The following FRMD6 variants were observed in gnomAD, a reference collection of about 807,000 sequenced individuals.
FRMD6 encodes the protein FERM domain containing 6.
A neutral mutation model predicts 73.2 loss-of-function variants in FRMD6; 37 were observed. That is an observed-to-expected ratio of 0.51 (90% confidence interval 0.39 to 0.66). The LOEUF (loss-of-function observed/expected upper bound fraction) is 0.66, where lower values mean the gene tolerates loss of function less well. Among genes scored for constraint, FRMD6 ranks in the 30% least tolerant of loss-of-function variants. The pLI is 0.00. For missense variants in FRMD6, 714 were observed against 780.5 expected, an observed-to-expected ratio of 0.91 and a Z score of 1.02; for synonymous variants, 273 against 282.2, an observed-to-expected ratio of 0.97 and a Z score of 0.33.
intron 1 of FRMD6, among the ~76,000 whole-genome samples, chr14:51,554,291 A>G (rs924393117): frequency 3.9e-5 from 6 of 152,226 alleles, no homozygotes; most frequent in African/African-American, 1.4e-4. Context: ...AATAAATAGT[A>G]TAAAAGAGAC....
At chr14:51,548,052 C>T (rs532039815) in intron 1 of FRMD6, among the ~76,000 whole-genome samples, 6 of 152,104 alleles carry the variant, frequency 3.9e-5, no homozygotes, top group African/African-American at 1.4e-4. Context: ...AATGTGTGCC[C>T]GCATCAAGCA....
At chr14:51,403,671 G>A in the FRMD6 span, among the ~76,000 whole-genome samples, 6 of 152,110 alleles carry the variant, frequency 3.9e-5, no homozygotes, top group African/African-American at 7.2e-5. Context: ...CAAAGTGCTC[G>A]GATTACAGGC....
At chr14:51,613,757 A>T (rs1303798682) in intron 2 of FRMD6, among the ~76,000 whole-genome samples, 1 of 152,098 alleles carries the variant, frequency 6.6e-6, no homozygotes, top group Non-Finnish European at 1.5e-5. Context: ...TGAAAAACTG[A>T]TGGAAGCTGT....
the FRMD6 span, among the ~76,000 whole-genome samples, chr14:51,442,094 T>C: frequency 6.6e-6 from 1 of 152,190 alleles, no homozygotes; most frequent in South Asian, 2.1e-4. Flanking sequence ...ACCGTTTTTA[T>C]CTAGCTTATT....
chr14:51,717,508 T>G (rs1897303381), intron 10 of FRMD6, among the ~76,000 whole-genome samples: 1 of 152,230 alleles, frequency 6.6e-6, no homozygotes, highest in South Asian at 2.1e-4. Flanking sequence ...ATATGATTTA[T>G]GATAGCAATT....
At chr14:51,721,649 AG>A (rs1897579883) in intron 11 of FRMD6, among the ~76,000 whole-genome samples, 2 of 14,876 alleles carry the variant, frequency 1.3e-4, no homozygotes, top group Non-Finnish European at 1.5e-4. Flanking sequence ...GAGGGAGGGA[AG>A]GAAGGAAGGA....
intron 2 of FRMD6, among the ~76,000 whole-genome samples, chr14:51,621,994 C>T (rs1398684054): frequency 6.6e-6 from 1 of 152,186 alleles, no homozygotes; most frequent in African/African-American, 2.4e-5. Flanking sequence ...AGGCATAACC[C>T]GAGACTGTTC....
the FRMD6 span, among the ~76,000 whole-genome samples, chr14:51,401,496 C>T: frequency 6.6e-6 from 1 of 152,142 alleles, no homozygotes; most frequent in Admixed American, 6.5e-5. Context: ...AATGCAAGGT[C>T]CCTCTGCAAG....
chr14:51,710,201 T>C (rs914996019), intron 7 of FRMD6, among the ~76,000 whole-genome samples: 22 of 152,178 alleles, frequency 1.4e-4, no homozygotes, highest in Non-Finnish European at 2.8e-4. Context: ...TAAAAAGATT[T>C]TTAGTAAAAA....
intron 1 of FRMD6, among the ~76,000 whole-genome samples, chr14:51,525,140 GTGGATGGATGGA>G (rs71121650): frequency 0.38 from 56,017 of 148,330 alleles, 10,902 homozygotes; most frequent in African/African-American, 0.44. Context: ...TGATAGGTGG[GTGGATGGATGGA>G]TGGATGGATG....
chr14:51,708,396 C>G, intron 7 of FRMD6, 163 bp downstream of exon 7: 1 of 661,064 alleles, frequency 1.5e-6, no homozygotes, highest in East Asian at 2.9e-5. Flanking sequence ...GCACGTCAGT[C>G]TTGGAGGCCA....
Position 51,701,179 on chromosome 14 carries a change from C to T in FRMD6, c.294+20C>T. ...ACTTGGGTGAGATTACATTTATAAG[C>T]AAAATTATTTTGATTTTTTTTAAAA... On this transcript the variant is annotated intron_variant, in intron 4 of 13. Coordinates refer to ENST00000344768, the MANE Select transcript of FRMD6 (RefSeq NM_001267046.2). The T allele has an allele frequency of 7.2e-7, 1 of 1,393,330 alleles. No individual in the cohort carries two copies. The highest frequency in any genetic ancestry group is 9.8e-7 in the Non-Finnish European group (1 of 1,019,710). 86.3% of individuals were successfully genotyped at this position (1,393,330 alleles called of 1,614,324 possible).
At chr14:51,470,775 G>T in the FRMD6 span, among the ~76,000 whole-genome samples, 1 of 152,090 alleles carries the variant, frequency 6.6e-6, no homozygotes, top group East Asian at 1.9e-4. Flanking sequence ...AATTAAGATG[G>T]TGTTGTTTAA....
intron 1 of FRMD6, chr14:51,547,768 CA>C (rs1886556234): frequency 6.6e-6 from 1 of 150,722 alleles, no homozygotes; most frequent in Admixed American, 6.6e-5. Flanking sequence ...AAGGAAACAC[CA>C]AATATAAGAA....
At chr14:51,466,966 T>G in the FRMD6 span, among the ~76,000 whole-genome samples, 1 of 151,918 alleles carries the variant, frequency 6.6e-6, no homozygotes, top group Non-Finnish European at 1.5e-5. Flanking sequence ...GTAGATTTAT[T>G]CCTTTTTTTT....
At chr14:51,604,955 G>C (rs79397301) in intron 2 of FRMD6, among the ~76,000 whole-genome samples, 4,184 of 152,102 alleles carry the variant, frequency 0.028, 68 homozygotes, top group Middle Eastern at 0.12. Context: ...AGATTATATC[G>C]TTGAAGTGTA....
intron 1 of FRMD6, among the ~76,000 whole-genome samples, chr14:51,531,059 A>G (rs946380670): frequency 4.6e-5 from 7 of 152,196 alleles, no homozygotes; most frequent in African/African-American, 1.7e-4. Context: ...AGAGTAAACT[A>G]GTGGCCTCAA....
At chr14:51,521,032 A>T (rs911394624) in intron 1 of FRMD6, among the ~76,000 whole-genome samples, 6 of 152,246 alleles carry the variant, frequency 3.9e-5, no homozygotes, top group Non-Finnish European at 7.3e-5. Flanking sequence ...CGTACATTTT[A>T]TGATGCTGAA....
chr14:51,493,389 G>A (rs1883123648), intron 1 of FRMD6, among the ~76,000 whole-genome samples: 1 of 152,168 alleles, frequency 6.6e-6, no homozygotes, highest in Non-Finnish European at 1.5e-5. Context: ...CTCAGTGGGA[G>A]GTAATTGAAT....
Sources: allele counts gnomAD v4.1 joint callset (sites outside exome capture counted in the v4.1 genomes callset), GRCh38; gene constraint gnomAD v4.1.1; transcripts MANE v1.5; gene names NCBI Gene and HGNC (gene_info 2026-07-23, HGNC 2026-07-21).